Variants in ATXN1 observed in about 807,000 individuals in gnomAD.
The protein encoded by ATXN1 is ataxin-1.
ATXN1 carries 8 observed loss-of-function variants against 56.4 expected under a neutral mutation model. The observed-to-expected ratio is 0.14, with a 90% confidence interval of 0.08 to 0.26. The LOEUF is 0.26. Among genes scored for constraint, ATXN1 ranks in the 10% least tolerant of loss-of-function variants. The pLI is 1.00. For missense variants in ATXN1, 987 were observed against 1,106.5 expected (o/e 0.89, Z 1.53); for synonymous variants, 514 against 494.6 (o/e 1.04, Z -0.52).
chr6:16,392,808 T>C (rs2113523960), intron 6 of ATXN1, among the ~76,000 whole-genome samples: 1 of 152,308 alleles, frequency 6.6e-6, no homozygotes, highest in Middle Eastern at 3.4e-3. Context: ...AACCATTCTT[T>C]ATCTCTAAAC....
intron 6 of ATXN1, among the ~76,000 whole-genome samples, chr6:16,443,830 C>T (rs1312933088): frequency 6.6e-6 from 1 of 152,086 alleles, no homozygotes; most frequent in Admixed American, 6.5e-5. Context: ...AAAATACGTA[C>T]ACACGGCCAG....
At chr6:16,534,603 A>G (rs2113709708) in intron 4 of ATXN1, among the ~76,000 whole-genome samples, 1 of 152,188 alleles carries the variant, frequency 6.6e-6, no homozygotes, top group Non-Finnish European at 1.5e-5. Flanking sequence ...ATTTCTGAAC[A>G]TTTAACACTT....
intron 6 of ATXN1, among the ~76,000 whole-genome samples, chr6:16,468,736 A>C (rs1760158388): frequency 6.6e-6 from 1 of 152,210 alleles, no homozygotes; most frequent in Non-Finnish European, 1.5e-5. Context: ...GTCCTAAGAG[A>C]ATGCAAGCAT....
At chr6:16,359,824 C>A (rs1301216150) in intron 6 of ATXN1, among the ~76,000 whole-genome samples, 1 of 152,068 alleles carries the variant, frequency 6.6e-6, no homozygotes, top group Non-Finnish European at 1.5e-5. Context: ...CCCCAGAGAT[C>A]CTATAACAGT....
chr6:16,431,861 G>T (rs1280274727), intron 6 of ATXN1, among the ~76,000 whole-genome samples: 3 of 152,118 alleles, frequency 2.0e-5, no homozygotes, highest in Non-Finnish European at 4.4e-5. Flanking sequence ...TGGCCATCAG[G>T]CTACTATTTA....
chr6:16,662,037 T>C (rs1164088238), intron 2 of ATXN1, among the ~76,000 whole-genome samples: 3 of 152,238 alleles, frequency 2.0e-5, no homozygotes, highest in Admixed American at 2.0e-4. Flanking sequence ...CTACTACAGT[T>C]ACAATGTATG....
intron 3 of ATXN1, among the ~76,000 whole-genome samples, chr6:16,626,573 G>C (rs1200069507): frequency 6.6e-6 from 1 of 152,132 alleles, no homozygotes; most frequent in Non-Finnish European, 1.5e-5. Flanking sequence ...TGAGATTACA[G>C]GCATGAGCCA....
intron 6 of ATXN1, among the ~76,000 whole-genome samples, chr6:16,442,752 C>T (rs987876535): frequency 6.6e-6 from 1 of 152,194 alleles, no homozygotes; most frequent in Admixed American, 6.5e-5. Flanking sequence ...TGGCTCACAC[C>T]TGTAATCCCA....
At position 16,545,923 on chromosome 6, in the gene ATXN1, T is replaced by C. The variant is rs1761806693; in HGVS notation, c.-360-23235A>G. ...TGAGAAATAGAGAGCAGCTTTTGAA[T>C]TTATTATGAAAGCACAGCTATCGTA... On this transcript the variant is annotated intron_variant, in intron 4 of 7. Transcript: ENST00000436367. 2.6e-5 allele frequency among the ~76,000 whole-genome samples: 4 copies of C among 152,250 alleles called. No individual in the cohort carries two copies. In the South Asian group the frequency reaches 8.3e-4, roughly 31 times the overall value.
intron 6 of ATXN1, among the ~76,000 whole-genome samples, chr6:16,337,271 TAGTG>T (rs748684564): frequency 1.1e-3 from 165 of 152,344 alleles, no homozygotes; most frequent in Non-Finnish European, 2.0e-3. Flanking sequence ...GGGGTGCAGT[TAGTG>T]AGCTCTGCCA....
intron 4 of ATXN1, among the ~76,000 whole-genome samples, chr6:16,535,555 G>A (rs924927908): frequency 4.6e-5 from 7 of 152,294 alleles, no homozygotes; most frequent in African/African-American, 1.7e-4. Context: ...AAACACCCAT[G>A]AGTTCATATT....
chr6:16,520,664 C>T (rs1046272370), intron 5 of ATXN1, among the ~76,000 whole-genome samples: 27 of 152,184 alleles, frequency 1.8e-4, no homozygotes, highest in African/African-American at 6.0e-4. Flanking sequence ...CCCCAGAGAG[C>T]AACAGGTGTC....
intron 6 of ATXN1, among the ~76,000 whole-genome samples, chr6:16,453,322 G>C (rs932022842): frequency 6.6e-6 from 1 of 152,128 alleles, no homozygotes; most frequent in African/African-American, 2.4e-5. Context: ...TTAGCTGGGC[G>C]TAGTGGCAGG....
chr6:16,334,132 T>C (rs1186860268), intron 6 of ATXN1, among the ~76,000 whole-genome samples: 3 of 152,176 alleles, frequency 2.0e-5, no homozygotes, highest in Non-Finnish European at 4.4e-5. Flanking sequence ...ACTAATACAG[T>C]GTTTTGGTTA....
intron 4 of ATXN1, among the ~76,000 whole-genome samples, chr6:16,542,617 C>G (rs1761736242): frequency 1.3e-5 from 2 of 152,174 alleles, no homozygotes; most frequent in African/African-American, 4.8e-5. Flanking sequence ...CAGCCAAATA[C>G]AACTAACGAG....
chr6:16,431,746 A>G (rs1759288347), intron 6 of ATXN1, among the ~76,000 whole-genome samples: 2 of 152,232 alleles, frequency 1.3e-5, no homozygotes, highest in African/African-American at 4.8e-5. Flanking sequence ...GATCTCCACG[A>G]TATCAAAATC....
chr6:16,524,133 C>A (rs1371614188), intron 4 of ATXN1, among the ~76,000 whole-genome samples: 2 of 152,138 alleles, frequency 1.3e-5, no homozygotes, highest in African/African-American at 2.4e-5. Context: ...CAGGATAGAG[C>A]TTTTTCAGGA....
intron 6 of ATXN1, among the ~76,000 whole-genome samples, chr6:16,466,235 T>C (rs1041589071): frequency 6.9e-5 from 10 of 145,094 alleles, no homozygotes; most frequent in African/African-American, 2.6e-4. Context: ...GAATCGCTTG[T>C]ACCCAGGCGG....
chr6:16,589,157 C>T (rs1762679244), intron 3 of ATXN1, among the ~76,000 whole-genome samples: 1 of 152,104 alleles, frequency 6.6e-6, no homozygotes, highest in East Asian at 1.9e-4. Flanking sequence ...TCCCTGACAC[C>T]TTCTGGGAAG....
Sources: allele counts gnomAD v4.1 joint callset (sites outside exome capture counted in the v4.1 genomes callset), GRCh38; gene constraint gnomAD v4.1.1; transcripts MANE v1.5; gene names NCBI Gene and HGNC (gene_info 2026-07-23, HGNC 2026-07-21).